The following PLEC variants were observed in gnomAD, a reference collection of about 807,000 sequenced individuals.
PLEC encodes plectin, also known as hemidesmosomal protein 1.
In PLEC, 216 loss-of-function variants were observed where a neutral mutation model predicts 392.8. That is an observed-to-expected ratio of 0.55 (90% CI 0.49 to 0.62). The LOEUF (loss-of-function observed/expected upper bound fraction) is 0.62. Among genes scored for constraint, PLEC ranks in the 20% least tolerant of loss-of-function variants. The pLI is 0.00. For synonymous variants in PLEC, 3,621 were observed against 2,980.6 expected (o/e 1.21, Z -7.00); for missense variants, 6,863 against 6,563.4 (o/e 1.05, Z -1.58).
chr8:143,975,405 C>T (rs1833626833), upstream of PLEC: 4 of 1,589,050 alleles, frequency 2.5e-6, no homozygotes, highest in Non-Finnish European at 3.4e-6. This position sits in a 1 kb window ranked among gnomAD's most constrained non-coding sequence, Gnocchi z 9.9. Context: ...GGTCACATCT[C>T]TGCCTGTTCA....
Position 143,925,493 on chromosome 8 carries a change from C to T in PLEC, c.4436G>A (p.Arg1479His), listed in dbSNP as rs782154733. ...GGAEGELQAL[R>H]ARAEEAEAQK... ...TGCCTCAGCCTCCTCCGCCCGTGCA[C>T]GCAGTGCCTGCAGCTCCCCCTCAGC... The change falls in exon 31 of 32, where the codon CGT becomes CAT. Residue 1479 changes from arginine to histidine, a missense_variant. Physicochemically the swap from Arg to His is conservative, Grantham distance 29. Coordinates refer to ENST00000345136, the MANE Select transcript of PLEC (RefSeq NM_201384.3). 1.6e-5 allele frequency: 25 copies of T among 1,596,094 alleles called. No homozygotes were observed. Among genetic ancestry groups the T allele is most frequent in the Middle Eastern group, 3.3e-4 (2 of 6,064 alleles).
In PLEC at chr8:143,923,722, C is replaced by T. The variant is rs1554693882; in HGVS notation, c.6207G>A (p.Leu2069=). The T allele has an allele frequency of 5.2e-6, 8 of 1,544,372 alleles. No homozygotes were observed. The highest frequency in any genetic ancestry group is 6.9e-6 in the Non-Finnish European group (8 of 1,151,148). The change falls in exon 31 of 32, where the codon CTG becomes CTA. Residue 2069 remains leucine (L), a synonymous_variant. Transcript: ENST00000345136. ...GGTCCAGCACGCTCTGCTCCTGCTG[C>T]AGCGTCTGCTGTAGCTCCTGCTCCT... The part of the protein sequence containing the change: ...QQKEQELQQT[L]QQEQSVLDQL...
rs190996425 is a variant in PLEC at position 143,915,836 on chromosome 8, C to G, written c.*341G>C. 153 of 208,630 alleles carry G rather than the reference C, an allele frequency of 7.3e-4. No homozygotes were observed. Among genetic ancestry groups the G allele is most frequent in the Admixed American group, 3.4e-3 (62 of 18,254 alleles). 12.9% of individuals were successfully genotyped at this position (208,630 alleles called of 1,614,324 possible). A position where few individuals can be genotyped will look rare whatever the true frequency, so the allele number is the denominator to read the frequency against. On this transcript the variant is annotated 3_prime_UTR_variant, in exon 32 of 32. Coordinates refer to ENST00000345136, the MANE Select transcript of PLEC (RefSeq NM_201384.3). ...TACAGACAGGGTTGGGCCCAGCTGCCCTGTGCAGCTAGGACTGGCAGGCGG... is the reference window on the plus strand; with the variant it reads ...TACAGACAGGGTTGGGCCCAGCTGCGCTGTGCAGCTAGGACTGGCAGGCGG...
rs146658875 is a variant in PLEC at position 143,931,335 on chromosome 8, G to A, written c.2304+199C>T. On this transcript the variant is annotated intron_variant, in intron 19 of 31. Transcript: ENST00000345136. ...CTCCCAACTCCTGCTGGCCCCTCCA[G>A]TTGCCCCCTAGTCTCCAGAGTACCC... 0.012 allele frequency among the ~76,000 whole-genome samples: 1,322 copies of A among 107,564 alleles called. 21 individuals are homozygous for A. Among genetic ancestry groups the A allele is most frequent in the Admixed American group, 0.038 (411 of 10,898 alleles). The allele number at this position is 107,564 out of a possible 152,430, so 70.6% of individuals were successfully genotyped here. A position where few individuals can be genotyped will look rare whatever the true frequency, so the allele number is the denominator to read the frequency against.
rs1330572071 is a variant in PLEC at position 143,923,110 on chromosome 8, C to T, written c.6819G>A (p.Met2273Ile). ...GCGCGGCCTCCTCCGCCACCTGCTTCATCTTCTCAGCCTCCTCCTGCAGGA... is the reference window on the plus strand; with the variant it reads ...GCGCGGCCTCCTCCGCCACCTGCTTTATCTTCTCAGCCTCCTCCTGCAGGA... ...QRFLQEEAEKMKQVAEEAARL... is the reference protein window; with the variant it reads ...QRFLQEEAEKIKQVAEEAARL... The change falls in exon 31 of 32, where the codon ATG becomes ATA. Residue 2273 changes from methionine to isoleucine, a missense_variant. Met to Ile is a conservative substitution (Grantham distance 10). Coordinates refer to ENST00000345136, the MANE Select transcript of PLEC (RefSeq NM_201384.3). The T allele has an allele frequency of 1.9e-6, 3 of 1,605,526 alleles. No homozygotes were observed. Among genetic ancestry groups the T allele is most frequent in the Non-Finnish European group, 2.5e-6 (3 of 1,179,896 alleles).
In PLEC at chr8:143,927,204, T is replaced by C. The variant is rs11782890; in HGVS notation, c.3840+48A>G. 0.39 allele frequency: 615,016 copies of C among 1,590,988 alleles called. 125,490 individuals are homozygous for C. Among genetic ancestry groups the C allele is most frequent in the Non-Finnish European group, 0.42 (487,732 of 1,160,042 alleles). Reference sequence around the variant, plus strand: ...GCTCAGGGAAAGCCCGCCATCATCCTGGCAACGGTCCCGGACTTGGGGCCT... The same window carrying C: ...GCTCAGGGAAAGCCCGCCATCATCCCGGCAACGGTCCCGGACTTGGGGCCT... On this transcript the variant is annotated intron_variant, in intron 28 of 31. Coordinates refer to ENST00000345136, the MANE Select transcript of PLEC (RefSeq NM_201384.3).
At chr8:143,929,353 G>A in intron 24 of PLEC, 61 bp downstream of exon 24, 2 of 1,575,104 alleles carry the variant, frequency 1.3e-6, no homozygotes, top group Admixed American at 1.8e-5. Context: ...GGCCAAAGGA[G>A]GGAGGGTGGG....
intron 1 of PLEC, chr8:143,944,601 A>T: frequency 8.4e-7 from 1 of 1,191,544 alleles, no homozygotes; most frequent in South Asian, 2.2e-5. Flanking sequence ...CCCTGTCCCC[A>T]GCAAGGGGCC....
Position 143,936,022 on chromosome 8 carries a change from C to T in PLEC, c.436-8G>A. On this transcript the variant is annotated splice_polypyrimidine_tract_variant and splice_region_variant and intron_variant, in intron 5 of 31. Transcript: ENST00000345136. ...CACCTGGATATCTGAGATCTGCTCA[C>T]AGCAGAGAGGAGGCCACAGCTCAGC... 6.2e-7 allele frequency: 1 copy of T among 1,611,014 alleles called. No homozygotes were observed. Among genetic ancestry groups the T allele is most frequent in the Non-Finnish European group, 8.5e-7 (1 of 1,179,858 alleles).
In PLEC at chr8:143,950,610, GC is replaced by G. The variant is rs782397123; in HGVS notation, c.96del (p.Arg34AlafsTer74). 23 of 1,604,720 alleles carry G rather than the reference GC, an allele frequency of 1.4e-5. No individual in the cohort carries two copies. In the African/African-American group the frequency reaches 2.5e-4, roughly 18 times the overall value. On this transcript the variant is annotated frameshift_variant, in exon 1 of 32. Transcript: ENST00000322810. LOFTEE classifies it high-confidence loss of function. ...GGCACATGGGGGTGCAAGCTGCGGG[GC>G]CGCCGGTCCTTCTTGGCCACCATCA...
chr8:143,952,945 T>C (rs1338686816), upstream of PLEC, among the ~76,000 whole-genome samples: 2 of 151,050 alleles, frequency 1.3e-5, no homozygotes, highest in African/African-American at 2.4e-5. Context: ...AGAATGTTCC[T>C]GGCCCACCCT....
chr8:143,942,622 T>C (rs1554729712), upstream of PLEC: 6 of 1,252,692 alleles, frequency 4.8e-6, no homozygotes, highest in Non-Finnish European at 6.4e-6. Flanking sequence ...GGCTTCGCTC[T>C]CCACCTCTTC....
At chr8:143,951,691 T>C (rs1013036288), upstream of PLEC, among the ~76,000 whole-genome samples, 20 of 150,454 alleles carry the variant, frequency 1.3e-4, no homozygotes, top group Non-Finnish European at 2.7e-4. Context: ...AGTCACCGAG[T>C]CCCTACCGCC....
chr8:143,926,007 G>A (rs1586945273), intron 30 of PLEC, 123 bp from the exon 31 acceptor site: 2 of 1,132,446 alleles, frequency 1.8e-6, no homozygotes, highest in Admixed American at 2.0e-5. Flanking sequence ...GAAGACAGAG[G>A]CCCCAGCCCG....
chr8:143,924,012 G>C lies in PLEC; in HGVS notation c.5917C>G (p.Arg1973Gly), dbSNP rs80338756. 1.9e-6 allele frequency: 3 copies of C among 1,588,254 alleles called. No homozygotes were observed. The highest frequency in any genetic ancestry group is 2.6e-6 in the Non-Finnish European group (3 of 1,173,426). ...CGCTCCTCCTCCGCCGCCAGCTGCC[G>C]CTGCCTCGCAGCCTCCAGCTCGGCC... The part of the protein sequence containing the change: ...EQAELEAARQ[R>G]QLAAEEERRR... Residue 1973 changes from arginine to glycine, a missense_variant, in exon 31 of 32, where the codon CGG (arginine) becomes GGG (glycine). By Grantham distance (125) the Arg-to-Gly change is moderately radical (BLOSUM62 -2). Transcript: ENST00000345136.
In PLEC at chr8:143,933,990, C is replaced by CGA; in HGVS notation, c.1263+7_1263+8insTC. On this transcript the variant is annotated splice_region_variant and intron_variant, in intron 12 of 31. Coordinates refer to ENST00000345136, the MANE Select transcript of PLEC (RefSeq NM_201384.3). Reference sequence around the variant, plus strand: ...CTCCCGCCCACTGCCTGCCCCACACCCCCTCACCGACTGCAGCAGGGCGTC... The same window carrying CGA: ...CTCCCGCCCACTGCCTGCCCCACACCGACCCTCACCGACTGCAGCAGGGCGTC... The CGA allele has an allele frequency of 6.2e-7, 1 of 1,602,680 alleles. No individual in the cohort carries two copies. Among genetic ancestry groups the CGA allele is most frequent in the African/African-American group, 1.4e-5 (1 of 70,318 alleles).
intron 25 of PLEC, 54 bp from the exon 26 acceptor site, chr8:143,928,046 A>C (rs943259222): frequency 6.5e-7 from 1 of 1,538,542 alleles, no homozygotes; most frequent in Non-Finnish European, 8.7e-7. Flanking sequence ...CAATAGCCCA[A>C]GGGAATGGAA....
intron 31 of PLEC, 52 bp downstream of exon 31, chr8:143,922,452 C>G: frequency 6.2e-7 from 1 of 1,601,188 alleles, no homozygotes. Context: ...CCATCACCCA[C>G]CAAAGCAGAT....
At position 143,916,881 on chromosome 8, in the gene PLEC, C is replaced by T; in HGVS notation, c.12940G>A (p.Ala4314Thr). The part of the protein sequence containing the change: ...DNITGQRLLE[A>T]QACTGGIIDP... ...ATGATGCCCCCGGTGCAGGCCTGCGCCTCCAGCAGCCGCTGCCCCGTGATG... is the reference window on the plus strand; with the variant it reads ...ATGATGCCCCCGGTGCAGGCCTGCGTCTCCAGCAGCCGCTGCCCCGTGATG... Residue 4314 changes from alanine to threonine, a missense_variant, in exon 32 of 32, where the codon GCG becomes ACG. Coordinates refer to ENST00000345136, the MANE Select transcript of PLEC (RefSeq NM_201384.3). 6.2e-7 allele frequency: 1 copy of T among 1,612,598 alleles called. No individual in the cohort carries two copies. Among genetic ancestry groups the T allele is most frequent in the Non-Finnish European group, 8.5e-7 (1 of 1,179,804 alleles).
Sources: gnomAD v4.1 joint callset for allele counts (sites outside exome capture counted in the v4.1 genomes callset) on GRCh38, gnomAD v4.1.1 for gene constraint, Gnocchi (gnomAD v3.1) non-coding constraint, MANE v1.5 for transcripts, NCBI Gene and HGNC (gene_info 2026-07-23, HGNC 2026-07-21) for gene names.